Variants in DPP6 observed in about 807,000 individuals in gnomAD.
The protein encoded by DPP6 is dipeptidyl peptidase like 6, also known as A-type potassium channel modulatory protein DPP6.
DPP6 carries 69 observed loss-of-function variants against 122.6 expected under a neutral mutation model. The observed-to-expected ratio is 0.56, with a 90% CI of 0.46 to 0.69. The LOEUF (loss-of-function observed/expected upper bound fraction) is 0.69. Ranked by LOEUF, DPP6 falls within the 30% of genes least tolerant of loss-of-function variation. DPP6 has a pLI of 0.00. For synonymous variants in DPP6, 418 were observed against 433.1 expected, an observed-to-expected ratio of 0.97 and a Z score of 0.43; for missense variants, 928 against 1,116.9, an observed-to-expected ratio of 0.83 and a Z score of 2.41.
At chr7:154,791,872 G>C (rs1317270629) in intron 10 of DPP6, among the ~76,000 whole-genome samples, 3 of 152,208 alleles carry the variant, frequency 2.0e-5, no homozygotes, top group East Asian at 3.8e-4. Flanking sequence ...ATTTGTTCTG[G>C]AGGCATCAAG....
chr7:154,417,652 G>T (rs755054729), intron 1 of DPP6, among the ~76,000 whole-genome samples: 1 of 152,052 alleles, frequency 6.6e-6, no homozygotes, highest in Non-Finnish European at 1.5e-5. Context: ...CTCTCAAGTC[G>T]GACAGTTCAT....
intron 1 of DPP6, chr7:154,305,290 A>T (rs992390543): frequency 1.5e-6 from 2 of 1,318,166 alleles, no homozygotes; most frequent in African/African-American, 3.0e-5. Context: ...CCTGCTTCGG[A>T]TCCTCTCTCT....
chr7:154,350,597 T>C (rs6464415), intron 1 of DPP6, among the ~76,000 whole-genome samples: 28,592 of 152,116 alleles, frequency 0.19, 5,225 homozygotes, highest in African/African-American at 0.48. Context: ...GCCTGTGGTC[T>C]GACCCAGGCC....
chr7:154,505,285 A>C (rs961163225), intron 3 of DPP6, among the ~76,000 whole-genome samples: 1 of 152,212 alleles, frequency 6.6e-6, no homozygotes, highest in East Asian at 1.9e-4. Flanking sequence ...GCAAAGTTGC[A>C]AAGGTAGTAC....
intron 1 of DPP6, among the ~76,000 whole-genome samples, chr7:153,924,802 C>T (rs1563013245): frequency 1.3e-5 from 2 of 152,206 alleles, no homozygotes; most frequent in African/African-American, 2.4e-5. Flanking sequence ...AGCCAGGCTA[C>T]ATGGCTTAGA....
chr7:154,218,470 C>G (rs900347195), intron 1 of DPP6, among the ~76,000 whole-genome samples: 3 of 152,300 alleles, frequency 2.0e-5, no homozygotes, highest in Admixed American at 2.0e-4. Flanking sequence ...TTTAGATGGC[C>G]TCATGCATGG....
chr7:153,979,624 G>C (rs1408441077), intron 1 of DPP6, among the ~76,000 whole-genome samples: 7 of 152,204 alleles, frequency 4.6e-5, no homozygotes, highest in Non-Finnish European at 8.8e-5. Flanking sequence ...TCTTGTGCCA[G>C]TTTTCAAAGG....
At chr7:154,014,736 A>G (rs1798323089) in intron 1 of DPP6, among the ~76,000 whole-genome samples, 1 of 152,050 alleles carries the variant, frequency 6.6e-6, no homozygotes, top group African/African-American at 2.4e-5. Context: ...GTTTCTGTCC[A>G]TCCTCTTACT....
At chr7:153,918,454 ACACACACACACACTCT>A (rs1422205653) in intron 1 of DPP6, among the ~76,000 whole-genome samples, 4 of 136,636 alleles carry the variant, frequency 2.9e-5, no homozygotes, top group African/African-American at 5.5e-5. Context: ...ACACACACAC[ACACACACACACACTCT>A]CTCTCTCTCT....
At chr7:153,838,834 C>T in the DPP6 span, among the ~76,000 whole-genome samples, 5 of 152,170 alleles carry the variant, frequency 3.3e-5, no homozygotes, top group Non-Finnish European at 7.4e-5. Context: ...AATAAAGGAA[C>T]ATTATTGCTC....
At chr7:154,764,882 C>A (rs1795804070) in intron 8 of DPP6, among the ~76,000 whole-genome samples, 1 of 152,126 alleles carries the variant, frequency 6.6e-6, no homozygotes, top group African/African-American at 2.4e-5. Context: ...TAAAGGGGCA[C>A]TTAATATAAG....
rs1162613001 is a variant in DPP6, at chr7:154,605,996, A to G, written c.628-31825A>G. On this transcript the variant is annotated intron_variant, in intron 5 of 25. Transcript: ENST00000377770. The stretch of plus-strand genomic sequence containing the variant: ...CCCTTTTCACAAAAAGTTGTTGATT[A>G]TAATAAATTAGGAATTTTCTTAATT... Among the ~76,000 whole-genome samples, 4 of 120,364 alleles carry G rather than the reference A, an allele frequency of 3.3e-5. 1 individual carries two copies. The highest frequency in any genetic ancestry group is 9.4e-5 in the Admixed American group (1 of 10,608). The allele number at this position is 120,364 out of a possible 152,430, so 79.0% of individuals were successfully genotyped here.
upstream of DPP6, among the ~76,000 whole-genome samples, chr7:153,885,015 TA>T (rs1219801365): frequency 6.8e-6 from 1 of 146,490 alleles, no homozygotes; most frequent in Non-Finnish European, 1.5e-5. Flanking sequence ...TATATATATA[TA>T]TATATGTTTG....
intron 5 of DPP6, among the ~76,000 whole-genome samples, chr7:154,620,323 T>G (rs1470626201): frequency 6.6e-6 from 1 of 152,230 alleles, no homozygotes; most frequent in Non-Finnish European, 1.5e-5. Context: ...CTTTTTAATG[T>G]CAGTTTCATC....
At chr7:154,699,917 G>A (rs559233780) in intron 7 of DPP6, among the ~76,000 whole-genome samples, 11 of 152,132 alleles carry the variant, frequency 7.2e-5, no homozygotes, top group South Asian at 2.1e-4. Context: ...CTCTGGAGTC[G>A]GACAGCCTGG....
intron 7 of DPP6, among the ~76,000 whole-genome samples, chr7:154,679,031 T>C (rs10251646): frequency 0.11 from 16,240 of 152,244 alleles, 938 homozygotes; most frequent in East Asian, 0.15. Flanking sequence ...TTTCATCAGA[T>C]GGAAGTCTGG....
intron 1 of DPP6, among the ~76,000 whole-genome samples, chr7:154,164,549 C>G (rs1797146792): frequency 6.6e-6 from 1 of 152,080 alleles, no homozygotes; most frequent in Non-Finnish European, 1.5e-5. Flanking sequence ...AATTGTGGAA[C>G]CATCACCCCC....
chr7:153,905,298 C>T, intron 1 of DPP6, among the ~76,000 whole-genome samples: 1 of 152,154 alleles, frequency 6.6e-6, no homozygotes, highest in East Asian at 1.9e-4. Flanking sequence ...ATCCTAGTTT[C>T]TCTGGCCAGC....
At chr7:153,899,496 T>C (rs577570659) in intron 1 of DPP6, among the ~76,000 whole-genome samples, 1 of 152,338 alleles carries the variant, frequency 6.6e-6, no homozygotes, top group East Asian at 1.9e-4. Context: ...GCAATGTGTT[T>C]TCTTCTCGTC....
Sources: allele counts gnomAD v4.1 joint callset (sites outside exome capture counted in the v4.1 genomes callset), GRCh38; gene constraint gnomAD v4.1.1; transcripts MANE v1.5; gene names NCBI Gene and HGNC (gene_info 2026-07-23, HGNC 2026-07-21).